The following ATR variants were observed in gnomAD, a reference collection of about 807,000 sequenced individuals.
ATR encodes the protein ATR checkpoint kinase, also known as serine/threonine-protein kinase ATR.
ATR carries 142 observed loss-of-function variants against 305.3 expected under a neutral mutation model. The ratio of observed to expected loss-of-function variants is 0.47; its 90% CI spans 0.41 to 0.53. The LOEUF (loss-of-function observed/expected upper bound fraction) is 0.53, where lower values mean the gene tolerates loss of function less well. ATR is among the 20% of genes least tolerant of loss of function. The pLI is 0.00. For synonymous variants in ATR, 1,050 were observed against 1,068.1 expected, an observed-to-expected ratio of 0.98 and a Z score of 0.33; for missense variants, 2,135 against 3,133.1, an observed-to-expected ratio of 0.68 and a Z score of 7.60.
chr3:142,544,507 A>ATAG (rs201849714), intron 16 of ATR, among the ~76,000 whole-genome samples: 2,420 of 148,360 alleles, frequency 0.016, 26 homozygotes, highest in South Asian at 0.036. Flanking sequence ...AACTTAGTAT[A>ATAG]TAGCTAAGTA....
chr3:142,542,827 T>A, intron 16 of ATR, 70 bp from the exon 17 acceptor site: 1 of 1,219,260 alleles, frequency 8.2e-7, no homozygotes, highest in Non-Finnish European at 1.2e-6. Context: ...ATTTTAATTA[T>A]TTAATTAATG....
At position 142,457,718 on chromosome 3, in the gene ATR, C is replaced by G; in HGVS notation, c.7541G>C (p.Arg2514Pro). Residue 2514 changes from arginine to proline, a missense_variant, in exon 45 of 47, where the codon CGC (arginine) becomes CCC (proline). Transcript: ENST00000350721. ...TCCATTAACCATATTATGAGTCAGG[C>G]GAAATGGCACAATTTCTGGAACTTC... is the stretch of plus-strand genomic sequence containing the variant. The part of the protein sequence containing the change: ...TFEVPEIVPF[R>P]LTHNMVNGMG... 2 of 1,613,918 alleles carry G rather than the reference C, an allele frequency of 1.2e-6. No homozygotes were observed. Among genetic ancestry groups the G allele is most frequent in the Non-Finnish European group, 1.7e-6 (2 of 1,179,922 alleles).
At chr3:142,545,539 T>C (rs1373432276) in intron 16 of ATR, among the ~76,000 whole-genome samples, 1 of 152,146 alleles carries the variant, frequency 6.6e-6, no homozygotes, top group Admixed American at 6.5e-5. Context: ...TTATTTTATG[T>C]TAAGGGCAAT....
chr3:142,496,531 T>TAACAAC lies in ATR; in HGVS notation c.5739-17_5739-12dup. 1 of 1,548,344 alleles carries TAACAAC rather than the reference T, an allele frequency of 6.5e-7. No homozygotes were observed. Among genetic ancestry groups the TAACAAC allele is most frequent in the Non-Finnish European group, 8.8e-7 (1 of 1,131,172 alleles). ...TCATTGTAATCTGGTCTAAAGGAAG[T>TAACAAC]AACAACACATTGGTGAGAGAGACCA... On this transcript the variant is annotated splice_polypyrimidine_tract_variant and intron_variant, in intron 33 of 46. Coordinates refer to ENST00000350721, the MANE Select transcript of ATR (RefSeq NM_001184.4).
At chr3:142,486,833 T>C (rs2108314836) in intron 35 of ATR, among the ~76,000 whole-genome samples, 1 of 151,696 alleles carries the variant, frequency 6.6e-6, no homozygotes, top group East Asian at 1.9e-4. Flanking sequence ...TTATTATTAT[T>C]GGCTGGGCAA....
intron 5 of ATR, among the ~76,000 whole-genome samples, 190 bp from the exon 6 acceptor site, chr3:142,560,644 T>C (rs891156265): frequency 6.6e-5 from 10 of 152,058 alleles, no homozygotes; most frequent in African/African-American, 2.4e-4. Flanking sequence ...CACTGCAAGC[T>C]CCGCCTCCCG....
intron 39 of ATR, 125 bp from the exon 40 acceptor site, chr3:142,466,658 A>G: frequency 1.1e-6 from 1 of 879,086 alleles, no homozygotes. Flanking sequence ...GTATTTCCTA[A>G]TCATCCCATT....
chr3:142,552,123 T>C (rs371715667), intron 13 of ATR, among the ~76,000 whole-genome samples: 4 of 152,116 alleles, frequency 2.6e-5, no homozygotes, highest in East Asian at 1.9e-4. Context: ...ATGGCTATTA[T>C]TAAAAAGTCA....
At chr3:142,505,742 CTAAAGA>C (rs988761510) in intron 28 of ATR, among the ~76,000 whole-genome samples, 5 of 152,028 alleles carry the variant, frequency 3.3e-5, no homozygotes, top group Non-Finnish European at 5.9e-5. Context: ...GATATTCAAG[CTAAAGA>C]TAAAAATTTA....
At chr3:142,449,821 A>T in intron 46 of ATR, 1 of 569,316 alleles carries the variant, frequency 1.8e-6, no homozygotes, top group Non-Finnish European at 3.1e-6. Context: ...CTGCTTGGAC[A>T]TGTTTCTGGA....
intron 35 of ATR, among the ~76,000 whole-genome samples, chr3:142,490,183 C>T (rs935675347): frequency 6.6e-6 from 1 of 152,148 alleles, no homozygotes; most frequent in African/African-American, 2.4e-5. Flanking sequence ...TTTAGCCTCC[C>T]GAATAGCTAA....
chr3:142,515,586 C>T (rs2032826060), intron 24 of ATR, 71 bp from the exon 25 acceptor site: 1 of 1,463,646 alleles, frequency 6.8e-7, no homozygotes. Flanking sequence ...ATTACAGCAA[C>T]TCCTTCAGTT....
At chr3:142,536,456 C>T (rs113352903) in intron 19 of ATR, among the ~76,000 whole-genome samples, 70 of 152,336 alleles carry the variant, frequency 4.6e-4, no homozygotes, top group African/African-American at 1.6e-3. Context: ...CCCATATATA[C>T]AGTCCCTTCC....
rs762304944 is a variant in ATR at position 142,555,873 on chromosome 3, T to G, written c.2341+4A>C. ...AAAGTATTAAATAAGTCATAATCACTCACCAAGTTTTACTGGACTAGGTAT... is the reference window on the plus strand; with the variant it reads ...AAAGTATTAAATAAGTCATAATCACGCACCAAGTTTTACTGGACTAGGTAT... On this transcript the variant is annotated splice_donor_region_variant and intron_variant, in intron 10 of 46. Coordinates refer to ENST00000350721, the MANE Select transcript of ATR (RefSeq NM_001184.4). 4 of 1,607,374 alleles carry G rather than the reference T, an allele frequency of 2.5e-6. No homozygotes were observed. Among genetic ancestry groups the G allele is most frequent in the Non-Finnish European group, 3.4e-6 (4 of 1,177,906 alleles).
At position 142,449,573 on chromosome 3, in the gene ATR, C is replaced by T. The variant is rs2108242609; in HGVS notation, c.7791G>A (p.Gln2597=). Residue 2597 remains glutamine (Q), a synonymous_variant, in exon 47 of 47, where the codon CAG becomes CAA. Coordinates refer to ENST00000350721, the MANE Select transcript of ATR (RefSeq NM_001184.4). ...GAGTCTTGATTACACCTTGTAGTCG[C>T]TGCTCAATGTCAAGAACATGGGTCT... ...KAKTHVLDIE[Q]RLQGVIKTRN... The T allele has an allele frequency of 1.9e-6, 3 of 1,614,116 alleles. No individual in the cohort carries two copies. Among genetic ancestry groups the T allele is most frequent in the Non-Finnish European group, 2.5e-6 (3 of 1,180,004 alleles).
rs188393997 is a variant in ATR at position 142,542,787 on chromosome 3, C to T, written c.3358-30G>A. Reference sequence around the variant, plus strand: ...GAAATAAAAACAGATAATATGTAAGCTTTATACAGATTGAATTTCTTAAGT... The same window carrying T: ...GAAATAAAAACAGATAATATGTAAGTTTTATACAGATTGAATTTCTTAAGT... On this transcript the variant is annotated intron_variant, in intron 16 of 46. Transcript: ENST00000350721. The T allele has an allele frequency of 1.0e-3, 1,531 of 1,498,242 alleles. 12 individuals are homozygous for T. The African/African-American group carries it at 0.019, about 19-fold the overall frequency. 92.8% of individuals were successfully genotyped at this position (1,498,242 alleles called of 1,614,324 possible).
intron 8 of ATR, among the ~76,000 whole-genome samples, chr3:142,557,481 T>C (rs936844092): frequency 1.6e-4 from 25 of 152,142 alleles, no homozygotes; most frequent in Admixed American, 1.3e-4. Flanking sequence ...ATAGTGTTGA[T>C]CAACAAAATG....
intron 27 of ATR, 139 bp from the exon 28 acceptor site, chr3:142,508,248 A>G: frequency 1.4e-6 from 1 of 705,662 alleles, no homozygotes; most frequent in Non-Finnish European, 2.2e-6. Context: ...GAATGTAACT[A>G]ACAACAGAAC....
chr3:142,509,447 A>T (rs944114825), intron 27 of ATR, among the ~76,000 whole-genome samples: 4 of 151,798 alleles, frequency 2.6e-5, no homozygotes, highest in African/African-American at 9.7e-5. Context: ...TACAGGTGTG[A>T]GCTACCACAC....
Sources: gnomAD v4.1 joint callset for allele counts (sites outside exome capture counted in the v4.1 genomes callset) on GRCh38, gnomAD v4.1.1 for gene constraint, MANE v1.5 for transcripts, NCBI Gene and HGNC (gene_info 2026-07-23, HGNC 2026-07-21) for gene names.